Variants in NLGN1 observed in about 807,000 individuals in gnomAD.
NLGN1 encodes the protein neuroligin-1.
A neutral mutation model predicts 65.5 loss-of-function variants in NLGN1; 12 were observed. The ratio of observed to expected loss-of-function variants is 0.18; its 90% CI spans 0.12 to 0.30. The LOEUF (loss-of-function observed/expected upper bound fraction) is 0.30. Ranked by LOEUF, NLGN1 falls within the 10% of genes least tolerant of loss-of-function variation. The pLI, the probability that NLGN1 is intolerant of heterozygous loss-of-function variation, is 1.00. For synonymous variants in NLGN1, 350 were observed against 359.5 expected, an observed-to-expected ratio of 0.97 and a Z score of 0.30; for missense variants, 750 against 1,007.1, an observed-to-expected ratio of 0.74 and a Z score of 3.46.
intron 4 of NLGN1, among the ~76,000 whole-genome samples, chr3:174,009,449 C>A (rs1288034817): frequency 6.6e-6 from 1 of 152,090 alleles, no homozygotes; most frequent in Non-Finnish European, 1.5e-5. Flanking sequence ...GCATTATCTC[C>A]TTTCATCTTT....
chr3:173,797,250 C>A (rs1472911008), intron 3 of NLGN1, among the ~76,000 whole-genome samples: 1 of 152,124 alleles, frequency 6.6e-6, no homozygotes, highest in African/African-American at 2.4e-5. Context: ...TAAAGGAAAT[C>A]TGTGTTCTTT....
At chr3:173,818,886 TGAATAG>T (rs1366288093) in intron 4 of NLGN1, among the ~76,000 whole-genome samples, 5 of 140,174 alleles carry the variant, frequency 3.6e-5, no homozygotes, top group Non-Finnish European at 6.1e-5. Context: ...GTTCTGCCTT[TGAATAG>T]TTCTTTTTTT....
At chr3:174,199,054 C>G (rs1733974803) in intron 4 of NLGN1, among the ~76,000 whole-genome samples, 1 of 152,006 alleles carries the variant, frequency 6.6e-6, no homozygotes, top group African/African-American at 2.4e-5. Flanking sequence ...CCTATGTTGA[C>G]CAGGCTGGTC....
chr3:174,053,177 AACTT>A lies in NLGN1; in HGVS notation c.647-222134_647-222131del, dbSNP rs201609324. 5.3e-3 allele frequency among the ~76,000 whole-genome samples: 801 copies of A among 152,020 alleles called. 5 individuals carry two copies. Among genetic ancestry groups the A allele is most frequent in the Middle Eastern group, 0.048 (14 of 294 alleles). On this transcript the variant is annotated intron_variant, in intron 4 of 6. Coordinates refer to ENST00000457714, the Ensembl canonical transcript of NLGN1. ...GATTGGGTGAGTTTCTTGCCTTTAA[AACTT>A]ACTATCAGGTGTTTCGGGGCCAATC...
intron 3 of NLGN1, among the ~76,000 whole-genome samples, chr3:173,729,872 C>T (rs891414219): frequency 3.9e-5 from 6 of 151,912 alleles, no homozygotes; most frequent in African/African-American, 1.4e-4. Flanking sequence ...CATATTCTGT[C>T]AAATGCTTCA....
intron 2 of NLGN1, among the ~76,000 whole-genome samples, chr3:173,498,662 TC>T (rs887530778): frequency 6.6e-6 from 1 of 151,840 alleles, no homozygotes; most frequent in Admixed American, 6.6e-5. Flanking sequence ...TAGCTTACAG[TC>T]CCACCAATAG....
At chr3:173,499,548 G>A (rs1730653506) in intron 2 of NLGN1, among the ~76,000 whole-genome samples, 1 of 151,676 alleles carries the variant, frequency 6.6e-6, no homozygotes, top group Non-Finnish European at 1.5e-5. Context: ...GCTCTTTTTT[G>A]GTTCCATATG....
At position 174,207,153 on chromosome 3, in the gene NLGN1, C is replaced by T. The variant is rs561550730; in HGVS notation, c.647-68162C>T. Among the ~76,000 whole-genome samples, 174 of 149,274 alleles carry T rather than the reference C, an allele frequency of 1.2e-3. 1 individual carries two copies. The highest frequency in any genetic ancestry group is 4.0e-3 in the African/African-American group (161 of 40,234). On this transcript the variant is annotated intron_variant, in intron 4 of 6. Transcript: ENST00000457714. ...TGAGATTTTGAAACTGAATGGTGCTCATGTCTGGAGGTGTTTTATAGATTG... is the reference window on the plus strand; with the variant it reads ...TGAGATTTTGAAACTGAATGGTGCTTATGTCTGGAGGTGTTTTATAGATTG...
Position 173,679,234 on chromosome 3 carries a change from A to G in NLGN1, c.493+74143A>G, listed in dbSNP as rs535497401. 2.6e-5 allele frequency among the ~76,000 whole-genome samples: 4 copies of G among 152,188 alleles called. No homozygotes were observed. In the East Asian group the frequency reaches 7.7e-4, roughly 29 times the overall value. ...GATTTTTGATAAAAGAAAAATGTAA[A>G]TGATTCACTAGGGCTAGTAAAAAAT... On this transcript the variant is annotated intron_variant, in intron 3 of 6. Transcript: ENST00000457714.
intron 4 of NLGN1, among the ~76,000 whole-genome samples, chr3:174,033,150 G>A (rs756614392): frequency 3.9e-5 from 6 of 151,904 alleles, no homozygotes; most frequent in Non-Finnish European, 5.9e-5. Flanking sequence ...ACCGCGCCAC[G>A]GGGCCCTAAT....
At chr3:173,446,688 A>G (rs373911524) in intron 2 of NLGN1, among the ~76,000 whole-genome samples, 1 of 152,102 alleles carries the variant, frequency 6.6e-6, no homozygotes, top group Non-Finnish European at 1.5e-5. Flanking sequence ...ACCAACAGTA[A>G]AAGTGTTACT....
intron 4 of NLGN1, among the ~76,000 whole-genome samples, chr3:173,926,820 C>A (rs1274291921): frequency 1.3e-5 from 2 of 152,128 alleles, no homozygotes; most frequent in Non-Finnish European, 2.9e-5. Context: ...TAACATAAAC[C>A]TTAACCCACC....
rs117757340 is a variant in NLGN1, at chr3:174,151,087, A to G, written c.647-124228A>G. Among the ~76,000 whole-genome samples the G allele has an allele frequency of 7.0e-3, 1,065 of 151,970 alleles. 20 individuals carry two copies. Among genetic ancestry groups the G allele is most frequent in the South Asian group, 0.042 (200 of 4,816 alleles). On this transcript the variant is annotated intron_variant, in intron 4 of 6. Transcript: ENST00000457714. ...ACATAATCCCCTCTTTCTCTTCTAT[A>G]TAAATGTGTATACCTAACAGAGTAG...
At chr3:173,605,700 T>C (rs1751301079) in intron 3 of NLGN1, 107 bp downstream of exon 3, 1 of 497,576 alleles carries the variant, frequency 2.0e-6, no homozygotes, top group African/African-American at 2.0e-5. Flanking sequence ...AATGGTTAGG[T>C]GATGTTTGGA....
intron 4 of NLGN1, among the ~76,000 whole-genome samples, chr3:173,870,844 A>G (rs549589795): frequency 1.8e-4 from 28 of 152,266 alleles, no homozygotes; most frequent in African/African-American, 6.7e-4. Flanking sequence ...TGCACTTAGC[A>G]TCTTAAACTC....
chr3:174,192,812 A>G (rs1009553828), intron 4 of NLGN1, among the ~76,000 whole-genome samples: 1 of 151,548 alleles, frequency 6.6e-6, no homozygotes, highest in Non-Finnish European at 1.5e-5. Flanking sequence ...TTTTTCCCCA[A>G]TTTCCCTCCC....
At chr3:173,861,029 G>C (rs1454788678) in intron 4 of NLGN1, among the ~76,000 whole-genome samples, 1 of 151,958 alleles carries the variant, frequency 6.6e-6, no homozygotes, top group African/African-American at 2.4e-5. Context: ...TATATTATAG[G>C]TTTTCTTTTT....
intron 2 of NLGN1, among the ~76,000 whole-genome samples, chr3:173,531,729 C>A (rs992107624): frequency 9.2e-5 from 14 of 152,034 alleles, no homozygotes; most frequent in African/African-American, 2.9e-4. Flanking sequence ...CTCAACAGAT[C>A]AAAGATTTCA....
At chr3:173,481,396 T>C (rs1727254749) in intron 2 of NLGN1, among the ~76,000 whole-genome samples, 1 of 152,026 alleles carries the variant, frequency 6.6e-6, no homozygotes, top group African/African-American at 2.4e-5. Flanking sequence ...TTATTCATTT[T>C]GGTCTACTTC....
Sources: allele counts gnomAD v4.1 joint callset (sites outside exome capture counted in the v4.1 genomes callset), GRCh38; gene constraint gnomAD v4.1.1; transcripts MANE v1.5; gene names NCBI Gene and HGNC (gene_info 2026-07-23, HGNC 2026-07-21).